FOXO3: variants seen among roughly 807,000 people sequenced by gnomAD.
FOXO3 encodes forkhead box O3.
FOXO3 carries 4 observed loss-of-function variants against 41.9 expected under a neutral mutation model. The observed-to-expected ratio is 0.10, with a 90% CI of 0.05 to 0.22. The LOEUF is 0.22. FOXO3 is among the 10% of genes least tolerant of loss of function. FOXO3 has a pLI of 1.00. For missense variants in FOXO3, 534 were observed against 906.8 expected (o/e 0.59, Z 5.28); for synonymous variants, 318 against 389.3 (o/e 0.82, Z 2.16).
At chr6:108,572,860 A>G (rs1261473763) in intron 1 of FOXO3, among the ~76,000 whole-genome samples, 1 of 152,128 alleles carries the variant, frequency 6.6e-6, no homozygotes, top group Non-Finnish European at 1.5e-5. Flanking sequence ...AGACAAGGAA[A>G]TGGTTCAGGA....
intron 1 of FOXO3, among the ~76,000 whole-genome samples, chr6:108,623,004 C>T (rs1348058452): frequency 2.0e-5 from 3 of 151,822 alleles, no homozygotes; most frequent in African/African-American, 4.8e-5. Flanking sequence ...GGGTGGGCCA[C>T]GTCCAGGACA....
At chr6:108,591,351 T>C (rs940089847) in intron 1 of FOXO3, among the ~76,000 whole-genome samples, 6 of 152,194 alleles carry the variant, frequency 3.9e-5, no homozygotes, top group African/African-American at 1.4e-4. Context: ...GTGCATCATT[T>C]GGGCAGTTAG....
At chr6:108,678,880 T>TTTTTTTG in intron 2 of FOXO3, among the ~76,000 whole-genome samples, 1 of 89,994 alleles carries the variant, frequency 1.1e-5, no homozygotes, top group Non-Finnish European at 2.9e-5. Context: ...TTTTTTTTTT[T>TTTTTTTG]TTTTTTTTTT....
rs71015551 is a variant in FOXO3 at position 108,569,987 on chromosome 6, G to GTTTTTTTTTTTTTT, written c.621+8175_621+8188dup. Among the ~76,000 whole-genome samples the GTTTTTTTTTTTTTT allele has an allele frequency of 8.1e-4, 59 of 73,260 alleles. 12 individuals are homozygous for GTTTTTTTTTTTTTT. Among genetic ancestry groups the GTTTTTTTTTTTTTT allele is most frequent in the Non-Finnish European group, 1.2e-3 (48 of 41,560 alleles). 48.1% of individuals were successfully genotyped at this position (73,260 alleles called of 152,430 possible). On this transcript the variant is annotated intron_variant, in intron 1 of 2. Transcript: ENST00000406360. Reference sequence around the variant, plus strand: ...TCCACATCATGTTTTCCCTTGCGTGGTTTTTTTTTTTTTTTTTTTTTTTTT... The same window carrying GTTTTTTTTTTTTTT: ...TCCACATCATGTTTTCCCTTGCGTGGTTTTTTTTTTTTTTTTTTTTTTTTTTTTTTTTTTTTTTT...
chr6:108,682,766 C>CTTA lies in FOXO3; in HGVS notation c.*2975_*2977dup, dbSNP rs1332746054. On this transcript the variant is annotated 3_prime_UTR_variant, in exon 3 of 3. Coordinates refer to ENST00000406360, the MANE Select transcript of FOXO3 (RefSeq NM_001455.4). ...TGATCTGGAGCATATCAGCAGAATGCTTAGCCTCAAGGGGCCTGGCAGCTG... is the reference window on the plus strand; with the variant it reads ...TGATCTGGAGCATATCAGCAGAATGCTTATTAGCCTCAAGGGGCCTGGCAGCTG... The CTTA allele has an allele frequency of 1.3e-5, 2 of 152,252 alleles. No individual in the cohort carries two copies. Among genetic ancestry groups the CTTA allele is most frequent in the Non-Finnish European group, 2.9e-5 (2 of 68,034 alleles). The allele number at this position is 152,252 out of a possible 1,614,324, so 9.4% of individuals were successfully genotyped here. A position where few individuals can be genotyped will look rare whatever the true frequency, so the allele number is the denominator to read the frequency against.
At chr6:108,581,048 T>G (rs543756158) in intron 1 of FOXO3, among the ~76,000 whole-genome samples, 1 of 152,336 alleles carries the variant, frequency 6.6e-6, no homozygotes, top group African/African-American at 2.4e-5. Flanking sequence ...AGTCATTGCT[T>G]TCTCTCCCTG....
At chr6:108,578,739 A>G (rs969872323) in intron 1 of FOXO3, among the ~76,000 whole-genome samples, 1 of 152,214 alleles carries the variant, frequency 6.6e-6, no homozygotes, top group Non-Finnish European at 1.5e-5. Flanking sequence ...CCAGACAGAC[A>G]TGGGACATGT....
intron 2 of FOXO3, among the ~76,000 whole-genome samples, chr6:108,668,922 C>A (rs530065437): frequency 2.0e-5 from 3 of 152,136 alleles, no homozygotes; most frequent in African/African-American, 4.8e-5. Flanking sequence ...GTCAGGAGAT[C>A]GAGACGGTGA....
At chr6:108,567,724 A>G (rs370974150) in intron 1 of FOXO3, among the ~76,000 whole-genome samples, 8 of 152,218 alleles carry the variant, frequency 5.3e-5, no homozygotes, top group African/African-American at 1.4e-4. Flanking sequence ...AGCCTGGGCA[A>G]CAAAGTGAGA....
intron 2 of FOXO3, among the ~76,000 whole-genome samples, chr6:108,672,164 G>A (rs945942257): frequency 1.3e-5 from 2 of 152,226 alleles, no homozygotes; most frequent in African/African-American, 4.8e-5. Context: ...AAGCCACTCA[G>A]AGAGATAAAG....
At chr6:108,668,602 A>T (rs192475979) in intron 2 of FOXO3, among the ~76,000 whole-genome samples, 16 of 152,284 alleles carry the variant, frequency 1.1e-4, no homozygotes, top group Middle Eastern at 3.4e-3. Context: ...ACTTTCATTC[A>T]TCTTCATCTT....
At chr6:108,570,831 T>C (rs1204616367) in intron 1 of FOXO3, among the ~76,000 whole-genome samples, 3 of 152,226 alleles carry the variant, frequency 2.0e-5, no homozygotes, top group African/African-American at 7.2e-5. Context: ...AAGTTTATTG[T>C]CATCATTAGA....
At chr6:108,669,385 A>G (rs1779151488) in intron 2 of FOXO3, among the ~76,000 whole-genome samples, 1 of 152,224 alleles carries the variant, frequency 6.6e-6, no homozygotes, top group African/African-American at 2.4e-5. Flanking sequence ...GACTAATTCT[A>G]ACCAAATACA....
At position 108,665,560 on chromosome 6, in the gene FOXO3, C is replaced by T. The variant is rs150556958; in HGVS notation, c.*34+671C>T. ...GTAAGAGGCCAGGCACAGTGTCTCA[C>T]GCCTATAATCCCACAACTATGGGAG... On this transcript the variant is annotated intron_variant, in intron 2 of 2. Transcript: ENST00000406360. 5.6e-3 allele frequency among the ~76,000 whole-genome samples: 856 copies of T among 152,248 alleles called. 4 individuals carry two copies. The highest frequency in any genetic ancestry group is 0.014 in the Middle Eastern group (4 of 294).
In FOXO3 at chr6:108,680,205, G is replaced by A. The variant is rs1582846478; in HGVS notation, c.*413G>A. ...TGTTTGTTTTCCTTTGACTTTCTGAGTTTTTCACATGCATTAACTTGCGGT... is the reference window on the plus strand; with the variant it reads ...TGTTTGTTTTCCTTTGACTTTCTGAATTTTTCACATGCATTAACTTGCGGT... On this transcript the variant is annotated 3_prime_UTR_variant, in exon 3 of 3. Coordinates refer to ENST00000406360, the MANE Select transcript of FOXO3 (RefSeq NM_001455.4). 1.3e-5 allele frequency: 2 copies of A among 152,702 alleles called. No homozygotes were observed. Among genetic ancestry groups the A allele is most frequent in the Non-Finnish European group, 2.9e-5 (2 of 68,018 alleles). 9.5% of individuals were successfully genotyped at this position (152,702 alleles called of 1,614,324 possible). A position where few individuals can be genotyped will look rare whatever the true frequency, so the allele number is the denominator to read the frequency against.
intron 1 of FOXO3, among the ~76,000 whole-genome samples, chr6:108,602,450 A>G (rs1457496194): frequency 6.6e-6 from 1 of 152,192 alleles, no homozygotes; most frequent in East Asian, 1.9e-4. Context: ...TTTCAGAGTA[A>G]CAGAGATGCC....
At chr6:108,657,907 G>GTT (rs1425980922) in intron 1 of FOXO3, among the ~76,000 whole-genome samples, 1 of 152,164 alleles carries the variant, frequency 6.6e-6, no homozygotes, top group Non-Finnish European at 1.5e-5. Flanking sequence ...AACAATGTAG[G>GTT]TTTGAATTGC....
intron 1 of FOXO3, among the ~76,000 whole-genome samples, chr6:108,650,981 GA>G (rs1172076240): frequency 2.0e-5 from 3 of 151,358 alleles, no homozygotes; most frequent in Non-Finnish European, 2.9e-5. Context: ...TTTTGAACAA[GA>G]AAAAAAAATC....
rs1770852968 is a variant in FOXO3, at chr6:108,681,527, G to A, written c.*1735G>A. On this transcript the variant is annotated 3_prime_UTR_variant, in exon 3 of 3. Transcript: ENST00000406360. The stretch of plus-strand genomic sequence containing the variant: ...GCCTTGGCTTTATAACTCCTCTGGG[G>A]GTGATATTGGTGGTGATCACAGCTC... 6.6e-6 allele frequency: 1 copy of A among 151,198 alleles called. No homozygotes were observed. Among genetic ancestry groups the A allele is most frequent in the Non-Finnish European group, 1.5e-5 (1 of 67,726 alleles). The allele number at this position is 151,198 out of a possible 1,614,324, so 9.4% of individuals were successfully genotyped here. A position where few individuals can be genotyped will look rare whatever the true frequency, so the allele number is the denominator to read the frequency against.
Sources: allele counts gnomAD v4.1 joint callset (sites outside exome capture counted in the v4.1 genomes callset), GRCh38; gene constraint gnomAD v4.1.1; transcripts MANE v1.5; gene names NCBI Gene and HGNC (gene_info 2026-07-23, HGNC 2026-07-21).